The following RAD51B variants were observed in gnomAD, a reference collection of about 807,000 sequenced individuals.
The protein encoded by RAD51B is DNA repair protein RAD51 homolog 2.
A neutral mutation model predicts 42.2 loss-of-function variants in RAD51B; 38 were observed. The observed-to-expected ratio is 0.90, with a 90% CI of 0.70 to 1.18. The LOEUF is 1.18. RAD51B is among the 50% of genes most tolerant of loss of function. The pLI, the probability that RAD51B is intolerant of heterozygous loss-of-function variation, is 0.00. For missense variants in RAD51B, 373 were observed against 400.7 expected (o/e 0.93, Z 0.59); for synonymous variants, 154 against 145.2 (o/e 1.06, Z -0.43).
chr14:68,587,732 G>A (rs933329450), intron 10 of RAD51B, among the ~76,000 whole-genome samples: 1 of 152,122 alleles, frequency 6.6e-6, no homozygotes, highest in South Asian at 2.1e-4. Context: ...TGCTACCCAA[G>A]GCTGATGTTG....
rs2075844277 is a variant in RAD51B at position 68,020,349 on chromosome 14, A to C, written c.756+133145A>C. 1.3e-5 allele frequency among the ~76,000 whole-genome samples: 2 copies of C among 152,118 alleles called. 1 individual carries two copies. Among genetic ancestry groups the C allele is most frequent in the South Asian group, 4.1e-4 (2 of 4,836 alleles). On this transcript the variant is annotated intron_variant, in intron 7 of 10. Transcript: ENST00000471583. ...TGGTCTTGAACTCCTGAGCTCAAGC[A>C]ATCTGCCCATCTCAGCCTCCCAGAA...
At chr14:68,358,959 G>A (rs1244546821) in intron 8 of RAD51B, among the ~76,000 whole-genome samples, 2 of 152,154 alleles carry the variant, frequency 1.3e-5, no homozygotes, top group Admixed American at 1.3e-4. Context: ...ACTGGGCCAT[G>A]CCCCTCTGCT....
intron 10 of RAD51B, among the ~76,000 whole-genome samples, chr14:68,506,631 C>T (rs946936706): frequency 6.6e-6 from 1 of 152,188 alleles, no homozygotes; most frequent in Non-Finnish European, 1.5e-5. Context: ...GCGCAAAGTT[C>T]TGCATGTGTC....
At position 67,877,838 on chromosome 14, in the gene RAD51B, A is replaced by T. The variant is rs527705026; in HGVS notation, c.453-8031A>T. On this transcript the variant is annotated intron_variant, in intron 5 of 10. Coordinates refer to ENST00000471583, the MANE Select transcript of RAD51B (RefSeq NM_133510.4). ...CTACCACGCCTGGCTAATTAAAAAA[A>T]TTTTTTTGTAGAGCTGGGGTCTCAC... 1.8e-4 allele frequency among the ~76,000 whole-genome samples: 28 copies of T among 152,104 alleles called. No homozygotes were observed. In the East Asian group the frequency reaches 2.9e-3, roughly 16 times the overall value.
At chr14:68,037,816 T>C (rs1240745706) in intron 7 of RAD51B, among the ~76,000 whole-genome samples, 1 of 152,228 alleles carries the variant, frequency 6.6e-6, no homozygotes, top group Non-Finnish European at 1.5e-5. Flanking sequence ...TGTTCTGTTT[T>C]GTAGAGATAA....
intron 7 of RAD51B, among the ~76,000 whole-genome samples, chr14:68,207,686 G>A (rs2079621061): frequency 6.6e-6 from 1 of 152,114 alleles, no homozygotes; most frequent in Non-Finnish European, 1.5e-5. Flanking sequence ...AGAAGCAGGG[G>A]AGCCAGTACT....
At chr14:68,448,586 G>A (rs776479183) in intron 9 of RAD51B, among the ~76,000 whole-genome samples, 42 of 152,188 alleles carry the variant, frequency 2.8e-4, no homozygotes, top group Non-Finnish European at 5.6e-4. Flanking sequence ...AAATCATTCA[G>A]TTCTGAGTAG....
intron 5 of RAD51B, 52 bp from the exon 6 acceptor site, chr14:67,885,809 AGCAATGTG>A: frequency 3.3e-6 from 5 of 1,526,702 alleles, no homozygotes; most frequent in Non-Finnish European, 4.4e-6. Flanking sequence ...TTAGAGATTC[AGCAATGTG>A]GCTTTAAGTA....
At chr14:68,470,640 A>G in intron 10 of RAD51B, 1 of 485,438 alleles carries the variant, frequency 2.1e-6, no homozygotes, top group South Asian at 1.7e-5. Flanking sequence ...AGAGAGAGAG[A>G]AGACAGAAGA....
intron 8 of RAD51B, among the ~76,000 whole-genome samples, chr14:68,363,193 CT>C (rs1566834159): frequency 3.3e-5 from 5 of 152,188 alleles, no homozygotes; most frequent in African/African-American, 1.2e-4. Flanking sequence ...TTGCTTACCC[CT>C]GAGACTGCAA....
At chr14:67,913,557 C>G (rs570539762) in intron 7 of RAD51B, among the ~76,000 whole-genome samples, 1 of 152,110 alleles carries the variant, frequency 6.6e-6, no homozygotes, top group Non-Finnish European at 1.5e-5. Context: ...ACAGTGGTAC[C>G]AAATTAGTAA....
chr14:67,891,515 A>T (rs1405093447), intron 7 of RAD51B, among the ~76,000 whole-genome samples: 1 of 152,160 alleles, frequency 6.6e-6, no homozygotes, highest in African/African-American at 2.4e-5. Context: ...GTTTTAAATC[A>T]TTAACAAATG....
At chr14:68,291,355 C>T (rs2081513630) in intron 7 of RAD51B, among the ~76,000 whole-genome samples, 1 of 151,932 alleles carries the variant, frequency 6.6e-6, no homozygotes, top group Non-Finnish European at 1.5e-5. Flanking sequence ...AGACATGTGC[C>T]ACCATGCCTG....
chr14:68,675,872 G>C (rs1157975967), intron 11 of RAD51B, among the ~76,000 whole-genome samples: 1 of 152,136 alleles, frequency 6.6e-6, no homozygotes, highest in Non-Finnish European at 1.5e-5. Flanking sequence ...ATCTCCACCT[G>C]CTTCATTCAA....
intron 7 of RAD51B, among the ~76,000 whole-genome samples, chr14:68,173,603 G>A (rs933450601): frequency 1.3e-5 from 2 of 152,160 alleles, no homozygotes; most frequent in Non-Finnish European, 2.9e-5. Context: ...GTAATTTTGT[G>A]GAAAGGTCTT....
At chr14:67,961,031 A>G (rs1350892184) in intron 7 of RAD51B, among the ~76,000 whole-genome samples, 1 of 152,032 alleles carries the variant, frequency 6.6e-6, no homozygotes, top group Non-Finnish European at 1.5e-5. Flanking sequence ...TATTCAAGAC[A>G]GGGCCTCATT....
At chr14:68,136,193 T>C (rs1007775196) in intron 7 of RAD51B, among the ~76,000 whole-genome samples, 1 of 152,318 alleles carries the variant, frequency 6.6e-6, no homozygotes, top group Middle Eastern at 3.4e-3. Flanking sequence ...AACGTCTGAA[T>C]TGAAAATTTA....
chr14:67,893,575 G>A (rs2043307506), intron 7 of RAD51B, among the ~76,000 whole-genome samples: 1 of 151,920 alleles, frequency 6.6e-6, no homozygotes, highest in African/African-American at 2.4e-5. Flanking sequence ...GGAGGCTGGG[G>A]CGGGAGGATG....
intron 10 of RAD51B, among the ~76,000 whole-genome samples, chr14:68,496,655 C>G (rs1220108003): frequency 3.3e-5 from 5 of 152,230 alleles, no homozygotes; most frequent in African/African-American, 1.2e-4. Context: ...AGTGGCCTGG[C>G]CTATTGCCTT....
Sources: allele counts gnomAD v4.1 joint callset (sites outside exome capture counted in the v4.1 genomes callset), GRCh38; gene constraint gnomAD v4.1.1; transcripts MANE v1.5; gene names NCBI Gene and HGNC (gene_info 2026-07-23, HGNC 2026-07-21).